The following SKA2 variants were observed in gnomAD, a reference collection of about 807,000 sequenced individuals.
SKA2 encodes spindle and kinetochore associated complex subunit 2.
Under a neutral mutation model 16.9 loss-of-function variants are expected in SKA2, and 13 were observed. The observed-to-expected ratio is 0.77, with a 90% confidence interval of 0.50 to 1.22. The LOEUF is 1.22. SKA2 is among the 50% of genes most tolerant of loss of function. SKA2 has a pLI of 0.00. For missense variants in SKA2, 107 were observed against 139.7 expected (o/e 0.77, Z 1.18); for synonymous variants, 47 against 48.5 (o/e 0.97, Z 0.13).
chr17:59,132,905 A>T (rs1301908248), intron 1 of SKA2, among the ~76,000 whole-genome samples: 1 of 152,254 alleles, frequency 6.6e-6, no homozygotes, highest in Non-Finnish European at 1.5e-5. Flanking sequence ...TGAGTATGTT[A>T]TGGCCTCTTT....
chr17:59,138,597 A>T (rs2046463767), intron 1 of SKA2, among the ~76,000 whole-genome samples: 1 of 151,692 alleles, frequency 6.6e-6, no homozygotes, highest in African/African-American at 2.4e-5. Flanking sequence ...CGCCTAGTAA[A>T]TTTTTTGTAT....
At chr17:59,145,490 C>G (rs1327465474) in intron 1 of SKA2, among the ~76,000 whole-genome samples, 1 of 152,118 alleles carries the variant, frequency 6.6e-6, no homozygotes. Context: ...CAGATTATAT[C>G]TCACCTCTAA....
At chr17:59,142,292 T>G (rs970225079) in intron 1 of SKA2, among the ~76,000 whole-genome samples, 5 of 130,204 alleles carry the variant, frequency 3.8e-5, no homozygotes, top group South Asian at 2.3e-4. Context: ...ATATGGTGGG[T>G]TTTTTTTTTT....
chr17:59,142,948 AAGAG>A (rs1475905479), intron 1 of SKA2, among the ~76,000 whole-genome samples: 1 of 149,736 alleles, frequency 6.7e-6, no homozygotes. Context: ...AAAAAAAAAA[AAGAG>A]AGAGAGACAG....
intron 1 of SKA2, among the ~76,000 whole-genome samples, chr17:59,133,129 A>G (rs569554824): frequency 6.6e-6 from 1 of 152,274 alleles, no homozygotes; most frequent in African/African-American, 2.4e-5. Context: ...GGCACATGCC[A>G]TGGCACCCAG....
intron 1 of SKA2, chr17:59,151,272 T>A (rs370234213): frequency 1.3e-4 from 59 of 462,350 alleles, no homozygotes; most frequent in African/African-American, 1.1e-3. Context: ...GAAGCTTCAG[T>A]GAGAAACGAA....
At chr17:59,118,403 C>T (rs1020440227) in intron 3 of SKA2, 1 of 152,122 alleles carries the variant, frequency 6.6e-6, no homozygotes, top group Non-Finnish European at 1.5e-5. Flanking sequence ...TCCCTTTGCC[C>T]TCTCACCCAA....
intron 1 of SKA2, among the ~76,000 whole-genome samples, chr17:59,140,227 G>A (rs1435323367): frequency 2.6e-5 from 4 of 151,678 alleles, no homozygotes; most frequent in Middle Eastern, 3.4e-3. Flanking sequence ...TTCCCAATCT[G>A]CAAGCTTTTT....
rs1418874320 is a variant in SKA2, at chr17:59,154,657, G to T, written c.33+474C>A. 2.0e-5 allele frequency among the ~76,000 whole-genome samples: 3 copies of T among 152,144 alleles called. No homozygotes were observed. In the East Asian group the frequency reaches 5.8e-4, roughly 29 times the overall value. On this transcript the variant is annotated intron_variant, in intron 1 of 3. Transcript: ENST00000330137. ...ATCCTTTCTCAGACTTTCTCGGCCC[G>T]CCTTTTAGAACGTGAGCGGGTTGGC...
chr17:59,128,293 A>G (rs1429717315), intron 2 of SKA2, among the ~76,000 whole-genome samples: 2 of 152,096 alleles, frequency 1.3e-5, no homozygotes, highest in Admixed American at 6.6e-5. Context: ...AAGCAAATGA[A>G]GTACTGATTG....
In SKA2 at chr17:59,120,415, A is replaced by AT. The variant is rs1012911090; in HGVS notation, c.121-921dup. Among the ~76,000 whole-genome samples the AT allele has an allele frequency of 3.2e-4, 48 of 150,040 alleles. No individual in the cohort carries two copies. In the Middle Eastern group the frequency reaches 0.01, roughly 32 times the overall value. The stretch of plus-strand genomic sequence containing the variant: ...TGCCACTTGGTAATTCTTTTCTTTA[A>AT]TTTTTTTTTTAAATAGATACAGGAA... On this transcript the variant is annotated intron_variant, in intron 2 of 3. Transcript: ENST00000330137.
chr17:59,155,156 G>C lies in SKA2; in HGVS notation c.8C>G (p.Ala3Gly). 3.1e-6 allele frequency: 5 copies of C among 1,613,908 alleles called. No individual in the cohort carries two copies. The highest frequency in any genetic ancestry group is 4.2e-6 in the Non-Finnish European group (5 of 1,179,878). MEAEVDKLELMFQ... is the reference protein window; with the variant it reads MEGEVDKLELMFQ... ...CATCAGTTCCAGCTTATCGACCTCC[G>C]CCTCCATGTTGAATAGTTGACATTC... The change falls in exon 1 of 4, where the codon GCG becomes GGG. Residue 3 changes from alanine (A) to glycine (G), a missense_variant. Transcript: ENST00000330137.
chr17:59,154,183 A>AAAAAAAG (rs1555714041), intron 1 of SKA2, among the ~76,000 whole-genome samples: 6 of 151,468 alleles, frequency 4.0e-5, no homozygotes, highest in African/African-American at 1.2e-4. Flanking sequence ...AAAAAAAAAA[A>AAAAAAAG]AAAAGAAAAG....
At chr17:59,121,697 C>G (rs1336176541) in intron 2 of SKA2, among the ~76,000 whole-genome samples, 1 of 144,964 alleles carries the variant, frequency 6.9e-6, no homozygotes, top group Non-Finnish European at 1.5e-5. Context: ...GCCTGTAATC[C>G]CAGCACTTTG....
rs767771033 is a variant in SKA2 at position 59,112,229 on chromosome 17, C to T, written c.*48G>A. 17 of 1,486,474 alleles carry T rather than the reference C, an allele frequency of 1.1e-5. No homozygotes were observed. Among genetic ancestry groups the T allele is most frequent in the South Asian group, 4.7e-5 (4 of 84,568 alleles). 92.1% of individuals were successfully genotyped at this position (1,486,474 alleles called of 1,614,324 possible). A position where few individuals can be genotyped will look rare whatever the true frequency, so the allele number is the denominator to read the frequency against. The stretch of plus-strand genomic sequence containing the variant: ...AACAAGACATCTTCCTAAATTTCTC[C>T]GGAATTAAGCTCTTCTCTGTTAGAA... On this transcript the variant is annotated 3_prime_UTR_variant, in exon 4 of 4. Transcript: ENST00000330137.
In SKA2 at chr17:59,152,121, T is replaced by C. The variant is rs576006982; in HGVS notation, c.33+3010A>G. Among the ~76,000 whole-genome samples the C allele has an allele frequency of 2.6e-5, 4 of 152,262 alleles. No homozygotes were observed. In the East Asian group the frequency reaches 7.7e-4, roughly 29 times the overall value. On this transcript the variant is annotated intron_variant, in intron 1 of 3. Coordinates refer to ENST00000330137, the MANE Select transcript of SKA2 (RefSeq NM_182620.4). Reference sequence around the variant, plus strand: ...AATAGTATCATAGTATCACACTGCATTACCTTTTGTGTACAGTCACTAGTA... The same window carrying C: ...AATAGTATCATAGTATCACACTGCACTACCTTTTGTGTACAGTCACTAGTA...
chr17:59,138,493 G>T (rs774395122), intron 1 of SKA2, among the ~76,000 whole-genome samples: 1 of 151,836 alleles, frequency 6.6e-6, no homozygotes, highest in African/African-American at 2.4e-5. Flanking sequence ...GGGCAGTGGC[G>T]CAATCTCAGC....
chr17:59,155,134 C>T lies in SKA2; in HGVS notation c.30G>A (p.Leu10=), dbSNP rs768122388. The T allele has an allele frequency of 1.2e-5, 20 of 1,614,038 alleles. No homozygotes were observed. Among genetic ancestry groups the T allele is most frequent in the Non-Finnish European group, 1.7e-5 (20 of 1,179,904 alleles). Residue 10 remains leucine (L), a synonymous_variant, in exon 1 of 4, where the codon CTG becomes CTA. Coordinates refer to ENST00000330137, the MANE Select transcript of SKA2 (RefSeq NM_182620.4). MEAEVDKLE[L]MFQKAESDLD... ...ATCTCCTTCACTTTGCACTCACCAT[C>T]AGTTCCAGCTTATCGACCTCCGCCT... is the stretch of plus-strand genomic sequence containing the variant.
At chr17:59,129,236 G>C (rs2046392869) in intron 2 of SKA2, 2 of 151,890 alleles carry the variant, frequency 1.3e-5, no homozygotes, top group Admixed American at 1.3e-4. Context: ...ATAGTTCCAG[G>C]CACTTGGCGG....
Sources: allele counts gnomAD v4.1 joint callset (sites outside exome capture counted in the v4.1 genomes callset), GRCh38; gene constraint gnomAD v4.1.1; transcripts MANE v1.5; gene names NCBI Gene and HGNC (gene_info 2026-07-23, HGNC 2026-07-21).